The following ESD variants were observed in gnomAD, a reference collection of about 807,000 sequenced individuals.
ESD encodes S-formylglutathione hydrolase.
ESD carries 34 observed loss-of-function variants against 38.1 expected under a neutral mutation model. The ratio of observed to expected loss-of-function variants is 0.89; its 90% confidence interval spans 0.68 to 1.19. The LOEUF is 1.19. Ranked by LOEUF, ESD falls within the 50% of genes most tolerant of loss-of-function variation. The pLI, the probability that ESD is intolerant of heterozygous loss-of-function variation, is 0.00. For synonymous variants in ESD, 97 were observed against 107.0 expected (o/e 0.91, Z 0.58); for missense variants, 334 against 327.2 (o/e 1.02, Z -0.16).
intron 3 of ESD, among the ~76,000 whole-genome samples, chr13:46,788,908 A>T (rs1419854492): frequency 6.6e-5 from 10 of 152,124 alleles, no homozygotes; most frequent in African/African-American, 2.4e-4. Flanking sequence ...TACATTAAAA[A>T]AACCCCTTCA....
chr13:46,779,971 A>G lies in ESD; in HGVS notation c.564T>C (p.Phe188=), dbSNP rs1312167707. ...TTTGATCTGTTCCCAAATATCCACT[A>G]AAGGCTTTTTTGCCCCAGGGACAGA... The part of the protein sequence containing the change: ...PVLCPWGKKA[F]SGYLGTDQSK... Residue 188 remains phenylalanine (F), a synonymous_variant, in exon 8 of 10, where the codon TTT becomes TTC. Transcript: ENST00000378720. 4.4e-6 allele frequency: 7 copies of G among 1,606,198 alleles called. No homozygotes were observed. The highest frequency in any genetic ancestry group is 2.7e-5 in the African/African-American group (2 of 74,560).
intron 5 of ESD, among the ~76,000 whole-genome samples, chr13:46,783,666 C>T (rs1478885853): frequency 6.6e-6 from 1 of 151,864 alleles, no homozygotes; most frequent in Non-Finnish European, 1.5e-5. Flanking sequence ...AAATATACTA[C>T]TTGCCAGGCC....
intron 6 of ESD, among the ~76,000 whole-genome samples, chr13:46,782,160 G>T (rs531505258): frequency 6.6e-6 from 1 of 151,826 alleles, no homozygotes; most frequent in South Asian, 2.1e-4. Context: ...CATAGAAACA[G>T]TCTGGAACAT....
In ESD at chr13:46,781,631, T is replaced by C. The variant is rs757923497; in HGVS notation, c.382-16A>G. ...GTTGGGGAAGCTAGAAAAAATTTAATAGTGTGACAAAAGATATCAAAGAAA... is the reference window on the plus strand; with the variant it reads ...GTTGGGGAAGCTAGAAAAAATTTAACAGTGTGACAAAAGATATCAAAGAAA... On this transcript the variant is annotated splice_polypyrimidine_tract_variant and intron_variant, in intron 6 of 9. Coordinates refer to ENST00000378720, the MANE Select transcript of ESD (RefSeq NM_001984.2). 10 of 1,597,720 alleles carry C rather than the reference T, an allele frequency of 6.3e-6. No individual in the cohort carries two copies. The highest frequency in any genetic ancestry group is 4.5e-5 in the South Asian group (4 of 89,732).
rs778427043 is a variant in ESD at position 46,777,635 on chromosome 13, G to A, written c.601-12C>T. ...GTAGCATCATAAGCCTGTAAAAAGA[G>A]AAGTAACATTGAAAAATAAATTCAA... On this transcript the variant is annotated splice_polypyrimidine_tract_variant and intron_variant, in intron 8 of 9. Transcript: ENST00000378720. 6.3e-7 allele frequency: 1 copy of A among 1,578,380 alleles called. No homozygotes were observed. The highest frequency in any genetic ancestry group is 2.2e-5 in the East Asian group (1 of 44,530).
rs901136267 is a variant in ESD, at chr13:46,792,956, C to T, written c.-8+441G>A. ...TTTGCAAAAGATGGTACACTGAGCA[C>T]GTATCTGGTACATAGGAGTCTGTAT... On this transcript the variant is annotated intron_variant, in intron 2 of 9. Transcript: ENST00000378720. Among the ~76,000 whole-genome samples the T allele has an allele frequency of 5.9e-5, 9 of 152,134 alleles. No homozygotes were observed. In the East Asian group the frequency reaches 1.7e-3, roughly 29 times the overall value.
chr13:46,796,198 T>C (rs1875568948), intron 1 of ESD, among the ~76,000 whole-genome samples: 1 of 152,174 alleles, frequency 6.6e-6, no homozygotes, highest in African/African-American at 2.4e-5. Context: ...CGGGTGGCTT[T>C]ACTCAATGCC....
Position 46,784,264 on chromosome 13 carries a change from C to T in ESD, c.244G>A (p.Asp82Asn). ...CACAAACACTTACGAGGGCTGGTAT[C>T]TGGAGCAATGACAACAAGACCATGT... ...SEHGLVVIAP[D>N]TSPRGCNIKG... The change falls in exon 5 of 10, where the codon GAT becomes AAT. Residue 82 changes from aspartate (D) to asparagine (N), a missense_variant. Transcript: ENST00000378720. 5 of 1,611,450 alleles carry T rather than the reference C, an allele frequency of 3.1e-6. No individual in the cohort carries two copies. Among genetic ancestry groups the T allele is most frequent in the Non-Finnish European group, 4.2e-6 (5 of 1,178,454 alleles).
intron 8 of ESD, among the ~76,000 whole-genome samples, chr13:46,778,535 G>A (rs905083380): frequency 6.6e-6 from 1 of 151,738 alleles, no homozygotes; most frequent in Non-Finnish European, 1.5e-5. Flanking sequence ...TTGGAGAAAA[G>A]TACATATCTA....
intron 9 of ESD, among the ~76,000 whole-genome samples, chr13:46,774,566 C>A (rs570649915): frequency 6.6e-6 from 1 of 152,108 alleles, no homozygotes; most frequent in Non-Finnish European, 1.5e-5. Flanking sequence ...AATGGAAAAT[C>A]CTTGGTAGCA....
intron 8 of ESD, among the ~76,000 whole-genome samples, chr13:46,779,527 T>C (rs775249517): frequency 1.3e-4 from 19 of 151,218 alleles, no homozygotes; most frequent in Non-Finnish European, 2.4e-4. Flanking sequence ...CAACCTGTAA[T>C]ATATGGTATT....
At chr13:46,771,529 T>C (rs540316988) in intron 9 of ESD, 33 bp from the exon 10 acceptor site, 80 of 1,333,386 alleles carry the variant, frequency 6.0e-5, no homozygotes, top group Non-Finnish European at 8.4e-5. Context: ...GACATTTATC[T>C]ACCATTCAGG....
intron 5 of ESD, 57 bp from the exon 6 acceptor site, chr13:46,782,848 T>C (rs2138293658): frequency 6.3e-7 from 1 of 1,589,066 alleles, no homozygotes; most frequent in Non-Finnish European, 8.6e-7. Flanking sequence ...CCATGTTTAA[T>C]AACACACTTT....
chr13:46,787,334 T>C (rs1007783131), intron 3 of ESD, among the ~76,000 whole-genome samples: 50 of 151,982 alleles, frequency 3.3e-4, no homozygotes, highest in Non-Finnish European at 6.8e-4. Flanking sequence ...CCTGAGCCTA[T>C]ACTTTGCATG....
intron 1 of ESD, among the ~76,000 whole-genome samples, chr13:46,796,846 C>T (rs1442745748): frequency 6.6e-6 from 1 of 152,262 alleles, no homozygotes; most frequent in Non-Finnish European, 1.5e-5. Context: ...AGTAGGTAAA[C>T]GGGCGCTCGC....
At chr13:46,781,694 C>A in intron 6 of ESD, 79 bp from the exon 7 acceptor site, 4 of 1,312,520 alleles carry the variant, frequency 3.0e-6, no homozygotes, top group Non-Finnish European at 4.3e-6. Flanking sequence ...AAAATAATTA[C>A]ACAATCAATA....
intron 5 of ESD, 39 bp downstream of exon 5, chr13:46,784,213 T>C (rs1875109668): frequency 6.7e-7 from 1 of 1,503,696 alleles, no homozygotes; most frequent in Non-Finnish European, 9.2e-7. Flanking sequence ...CTTAAAGATT[T>C]AGATTTTTAC....
chr13:46,785,109 T>C (rs1453349879), intron 4 of ESD, among the ~76,000 whole-genome samples: 1 of 152,026 alleles, frequency 6.6e-6, no homozygotes. Flanking sequence ...AAGAGAGTAA[T>C]GGTGACCATA....
chr13:46,791,921 C>T (rs1875418287), intron 2 of ESD, among the ~76,000 whole-genome samples: 1 of 151,934 alleles, frequency 6.6e-6, no homozygotes, highest in African/African-American at 2.4e-5. Flanking sequence ...TTTTTCTAGA[C>T]ACTAAACCAG....
Sources: allele counts gnomAD v4.1 joint callset (sites outside exome capture counted in the v4.1 genomes callset), GRCh38; gene constraint gnomAD v4.1.1; transcripts MANE v1.5; gene names NCBI Gene and HGNC (gene_info 2026-07-23, HGNC 2026-07-21).